The following TNNT2 variants were observed in gnomAD, a reference collection of about 807,000 sequenced individuals.
The protein encoded by TNNT2 is troponin T2, cardiac type, also known as troponin T, cardiac muscle.
Under a neutral mutation model 62.4 loss-of-function variants are expected in TNNT2, and 34 were observed. The ratio of observed to expected loss-of-function variants is 0.54; its 90% CI spans 0.41 to 0.72. TNNT2 has a LOEUF of 0.72. TNNT2 is among the 30% of genes least tolerant of loss of function. TNNT2 has a pLI of 0.00. For synonymous variants in TNNT2, 123 were observed against 127.2 expected (o/e 0.97, Z 0.22); for missense variants, 275 against 381.9 (o/e 0.72, Z 2.33).
rs397516462 is a variant in TNNT2, at chr1:201,364,378, AAGG to A, written c.412-6_412-4del. 8.1e-5 allele frequency: 131 copies of A among 1,612,288 alleles called. No homozygotes were observed. In the East Asian group the frequency reaches 2.8e-3, roughly 34 times the overall value. On this transcript the variant is annotated splice_region_variant and splice_polypyrimidine_tract_variant and intron_variant, in intron 10 of 16. Transcript: ENST00000656932. ...GCCCGCTCTGCCCGACGTCTCTCCT[AAGG>A]AGAAGAGGCAAAGCCCACCCAGGTG... is the stretch of plus-strand genomic sequence containing the variant.
chr1:201,364,460 G>T, intron 10 of TNNT2, 85 bp from the exon 11 acceptor site: 1 of 1,390,118 alleles, frequency 7.2e-7, no homozygotes, highest in Admixed American at 1.9e-5. Flanking sequence ...GGGTGGCAAG[G>T]GAATTCCTGG....
In TNNT2 at chr1:201,361,967, A is replaced by T. The variant is rs750800588; in HGVS notation, c.665T>A (p.Leu222Gln). ...GGCCAGCACCTTCCTCCTCTCAGCC[A>T]GAATCTTCTTCTTCTTTTCCCGCTC... is the stretch of plus-strand genomic sequence containing the variant. ...QTEREKKKKI[L>Q]AERRKVLAID... Residue 222 changes from leucine to glutamine, a missense_variant, in exon 14 of 17, where the codon CTG becomes CAG. Coordinates refer to ENST00000656932, the MANE Select transcript of TNNT2 (RefSeq NM_001276345.2). The T allele has an allele frequency of 1.2e-6, 2 of 1,614,136 alleles. No homozygotes were observed. Among genetic ancestry groups the T allele is most frequent in the Non-Finnish European group, 1.7e-6 (2 of 1,180,020 alleles).
intron 3 of TNNT2, 37 bp from the exon 4 acceptor site, chr1:201,372,078 A>T: frequency 6.2e-7 from 1 of 1,614,082 alleles, no homozygotes; most frequent in African/African-American, 1.3e-5. Flanking sequence ...AAGAGAAGAG[A>T]GAAGAGGTGG....
intron 15 of TNNT2, 139 bp downstream of exon 15, chr1:201,361,140 A>C (rs571993745): frequency 1.2e-6 from 1 of 831,922 alleles, no homozygotes; most frequent in African/African-American, 1.7e-5. Flanking sequence ...GCCAGGCAGC[A>C]GGGGCAGATG....
chr1:201,372,072 G>C, intron 3 of TNNT2, 31 bp from the exon 4 acceptor site: 1 of 1,613,676 alleles, frequency 6.2e-7, no homozygotes, highest in Non-Finnish European at 8.5e-7. Flanking sequence ...GGCAGCAAGA[G>C]AAGAGAGAAG....
intron 2 of TNNT2, chr1:201,372,959 C>A (rs1323140170): frequency 7.7e-6 from 5 of 647,406 alleles, no homozygotes; most frequent in South Asian, 4.5e-5. Flanking sequence ...CTAGCCAAGA[C>A]TGGCCAAGGA....
intron 12 of TNNT2, among the ~76,000 whole-genome samples, chr1:201,362,962 C>G (rs1241780312): frequency 1.3e-5 from 2 of 152,206 alleles, no homozygotes; most frequent in African/African-American, 4.8e-5. Context: ...AGCTGGGTCT[C>G]CAACTAGAGC....
chr1:201,359,486 G>A (rs1308982779), intron 16 of TNNT2, 137 bp downstream of exon 16: 2 of 1,052,630 alleles, frequency 1.9e-6, no homozygotes, highest in Non-Finnish European at 1.4e-6. Context: ...GGAGGAGCCA[G>A]AGAAGGAAAC....
chr1:201,367,835 G>A, intron 6 of TNNT2, 29 bp from the exon 7 acceptor site: 2 of 1,613,922 alleles, frequency 1.2e-6, no homozygotes, highest in South Asian at 2.2e-5. Flanking sequence ...ATCAATCAAG[G>A]TCCTTGTTCT....
At chr1:201,362,627 G>C (rs1269096172) in intron 12 of TNNT2, among the ~76,000 whole-genome samples, 2 of 152,170 alleles carry the variant, frequency 1.3e-5, no homozygotes, top group African/African-American at 4.8e-5. Context: ...CACCATGGGG[G>C]CAGAGGCAGG....
Position 201,365,648 on chromosome 1 carries a change from G to T in TNNT2, c.256C>A (p.Pro86Thr). The change falls in exon 9 of 17, where the codon CCT becomes ACT. Residue 86 changes from proline (P) to threonine (T), a missense_variant. By Grantham distance (38) the Pro-to-Thr change is conservative. Coordinates refer to ENST00000656932, the MANE Select transcript of TNNT2 (RefSeq NM_001276345.2). Reference sequence around the variant, plus strand: ...CTCTCTCCATCGGGGATCTTGGGAGGCACCAAGTTGGGCATGAACGACCTG... The same window carrying T: ...CTCTCTCCATCGGGGATCTTGGGAGTCACCAAGTTGGGCATGAACGACCTG... ...KPRSFMPNLV[P>T]PKIPDGERVD... 1.2e-6 allele frequency: 2 copies of T among 1,614,010 alleles called. No individual in the cohort carries two copies. The highest frequency in any genetic ancestry group is 1.7e-6 in the Non-Finnish European group (2 of 1,179,968).
At chr1:201,365,420 G>T in intron 9 of TNNT2, 113 bp from the exon 10 acceptor site, 3 of 1,206,748 alleles carry the variant, frequency 2.5e-6, no homozygotes, top group Non-Finnish European at 2.5e-6. Context: ...AGGGCCTGGC[G>T]CCTGGCCAGG....
At chr1:201,365,882 T>C in intron 8 of TNNT2, 1 of 1,430,820 alleles carries the variant, frequency 7.0e-7, no homozygotes, top group African/African-American at 1.4e-5. Flanking sequence ...ATATGCTATT[T>C]CACTTCATGC....
At chr1:201,364,457 A>T in intron 10 of TNNT2, 82 bp from the exon 11 acceptor site, 1 of 1,437,156 alleles carries the variant, frequency 7.0e-7, no homozygotes. Context: ...ATGGGGTGGC[A>T]AGGGAATTCC....
chr1:201,370,439 C>T (rs1462452071), intron 4 of TNNT2, among the ~76,000 whole-genome samples: 4 of 152,236 alleles, frequency 2.6e-5, no homozygotes, highest in African/African-American at 9.6e-5. Flanking sequence ...AAGAAGGGTC[C>T]AGCATTATAA....
chr1:201,362,924 CA>C (rs1418955148), intron 12 of TNNT2, among the ~76,000 whole-genome samples: 6 of 152,198 alleles, frequency 3.9e-5, no homozygotes, highest in Admixed American at 3.9e-4. Flanking sequence ...TCAGAGGTTG[CA>C]AAAGGTCACA....
chr1:201,374,731 C>G lies in TNNT2; in HGVS notation c.-14-1463G>C, dbSNP rs1007293497. 3.3e-5 allele frequency: 5 copies of G among 152,198 alleles called. No individual in the cohort carries two copies. The East Asian group carries it at 9.6e-4, about 29-fold the overall frequency. The allele number at this position is 152,198 out of a possible 1,614,324, so 9.4% of individuals were successfully genotyped here. A position where few individuals can be genotyped will look rare whatever the true frequency, so the allele number is the denominator to read the frequency against. On this transcript the variant is annotated intron_variant, in intron 1 of 16. Transcript: ENST00000656932. Reference sequence around the variant, plus strand: ...GGTAGTGTGAAGTGTAGGCATTCAGCTAATAACTACTATGACCCAACCCTC... The same window carrying G: ...GGTAGTGTGAAGTGTAGGCATTCAGGTAATAACTACTATGACCCAACCCTC...
intron 2 of TNNT2, 43 bp from the exon 3 acceptor site, chr1:201,372,198 AC>A: frequency 6.2e-7 from 1 of 1,613,792 alleles, no homozygotes. Context: ...GCACACAAGC[AC>A]ATGCAAACAC....
At chr1:201,373,357 G>A (rs536599596) in intron 1 of TNNT2, 89 bp from the exon 2 acceptor site, 16 of 1,157,400 alleles carry the variant, frequency 1.4e-5, no homozygotes, top group African/African-American at 7.6e-5. Context: ...AGAGATCAGC[G>A]AGGCCTAGGG....
Sources: gnomAD v4.1 joint callset for allele counts (sites outside exome capture counted in the v4.1 genomes callset) on GRCh38, gnomAD v4.1.1 for gene constraint, MANE v1.5 for transcripts, NCBI Gene and HGNC (gene_info 2026-07-23, HGNC 2026-07-21) for gene names.